The following DCLK2 variants were observed in gnomAD, a reference collection of about 807,000 sequenced individuals.
DCLK2 encodes the protein doublecortin like kinase 2.
Under a neutral mutation model 78.4 loss-of-function variants are expected in DCLK2, and 31 were observed. The ratio of observed to expected loss-of-function variants is 0.40; its 90% CI spans 0.30 to 0.53. DCLK2 has a LOEUF of 0.53. DCLK2 is among the 20% of genes least tolerant of loss of function. The pLI, the probability that DCLK2 is intolerant of heterozygous loss-of-function variation, is 0.61. For synonymous variants in DCLK2, 407 were observed against 374.9 expected (o/e 1.09, Z -0.99); for missense variants, 872 against 973.7 (o/e 0.90, Z 1.39).
At chr4:150,130,113 C>G (rs948998910) in intron 2 of DCLK2, among the ~76,000 whole-genome samples, 1 of 152,078 alleles carries the variant, frequency 6.6e-6, no homozygotes. Flanking sequence ...TTTATTTGAG[C>G]AAACATCCAG....
intron 1 of DCLK2, among the ~76,000 whole-genome samples, chr4:150,080,189 A>T (rs1729151349): frequency 6.6e-6 from 1 of 150,500 alleles, no homozygotes; most frequent in Non-Finnish European, 1.5e-5. Context: ...TTTGGTTGGA[A>T]AAAAGGTAAA....
At chr4:150,161,649 A>G in intron 2 of DCLK2, among the ~76,000 whole-genome samples, 1 of 152,228 alleles carries the variant, frequency 6.6e-6, no homozygotes, top group South Asian at 2.1e-4. Context: ...CAGGTTATAC[A>G]CATTGAAAAG....
intron 1 of DCLK2, 40 bp downstream of exon 1, chr4:150,079,488 G>T (rs922353603): frequency 6.9e-7 from 1 of 1,441,050 alleles, no homozygotes; most frequent in Non-Finnish European, 9.1e-7. Flanking sequence ...GCGGCGGAGC[G>T]CCGGCAGGTG....
At chr4:150,180,773 A>AGGT (rs1737452963) in intron 2 of DCLK2, among the ~76,000 whole-genome samples, 1 of 152,152 alleles carries the variant, frequency 6.6e-6, no homozygotes, top group African/African-American at 2.4e-5. Flanking sequence ...CTCTTCCCCA[A>AGGT]GGTGGGTCGT....
At chr4:150,190,944 C>G (rs1580684322) in intron 2 of DCLK2, among the ~76,000 whole-genome samples, 2 of 152,044 alleles carry the variant, frequency 1.3e-5, no homozygotes, top group African/African-American at 4.8e-5. Flanking sequence ...TACCTACCTA[C>G]CTACCTATCT....
intron 2 of DCLK2, among the ~76,000 whole-genome samples, chr4:150,153,808 T>C (rs971938810): frequency 6.6e-6 from 1 of 152,124 alleles, no homozygotes; most frequent in Non-Finnish European, 1.5e-5. Flanking sequence ...AGGTGCTTAT[T>C]GGCCTATGCT....
At chr4:150,108,942 G>A (rs1731463245) in intron 2 of DCLK2, among the ~76,000 whole-genome samples, 1 of 152,150 alleles carries the variant, frequency 6.6e-6, no homozygotes, top group Non-Finnish European at 1.5e-5. Flanking sequence ...GCCAGCCTTA[G>A]GATGCTCACA....
At chr4:150,233,782 C>T (rs1336906829) in intron 10 of DCLK2, among the ~76,000 whole-genome samples, 2 of 152,118 alleles carry the variant, frequency 1.3e-5, no homozygotes, top group African/African-American at 4.8e-5. Context: ...TCCATCCAAC[C>T]CAACATGGTC....
rs150954251 is a variant in DCLK2, at chr4:150,102,597, T to C, written c.541T>C (p.Ser181Pro). The stretch of plus-strand genomic sequence containing the variant: ...GACATCCCGAGCGCTGGCTGCTGCC[T>C]CCTCTGTGAAAAGTGAAGTAAAAGA... ...GGTSRALAAA[S>P]SVKSEVKESK... is the part of the protein sequence containing the mutation. The change falls in exon 2 of 16, where the codon TCC becomes CCC. Residue 181 changes from serine (S) to proline (P), a missense_variant. By Grantham distance (74) the Ser-to-Pro change is moderately conservative. This residue lies in a region of DCLK2 where 567 missense variants were observed against 593.4 expected (regional missense o/e 0.96). Transcript: ENST00000296550. 4.2e-5 allele frequency: 68 copies of C among 1,614,032 alleles called. No homozygotes were observed. The highest frequency in any genetic ancestry group is 5.7e-5 in the Non-Finnish European group (67 of 1,180,020).
At chr4:150,109,582 C>A (rs1211999112) in intron 2 of DCLK2, among the ~76,000 whole-genome samples, 2 of 152,162 alleles carry the variant, frequency 1.3e-5, no homozygotes, top group Non-Finnish European at 2.9e-5. Flanking sequence ...CGTGTTCCGC[C>A]CGCCTCGGCC....
chr4:150,209,169 C>A (rs1405951795), intron 5 of DCLK2, among the ~76,000 whole-genome samples: 1 of 152,212 alleles, frequency 6.6e-6, no homozygotes, highest in Non-Finnish European at 1.5e-5. Context: ...CCAGCAGGTC[C>A]CTGTTAGGCC....
chr4:150,112,296 A>T (rs1195471420), intron 2 of DCLK2, among the ~76,000 whole-genome samples: 1 of 152,154 alleles, frequency 6.6e-6, no homozygotes, highest in East Asian at 1.9e-4. Flanking sequence ...AGTGCCACTG[A>T]TTTGTGTGCT....
intron 2 of DCLK2, among the ~76,000 whole-genome samples, chr4:150,186,571 C>T (rs1336102705): frequency 6.6e-6 from 1 of 152,140 alleles, no homozygotes; most frequent in African/African-American, 2.4e-5. Context: ...TTATGCCTGG[C>T]ATATTATAGT....
chr4:150,084,075 A>G (rs757566120), intron 1 of DCLK2, among the ~76,000 whole-genome samples: 2 of 152,234 alleles, frequency 1.3e-5, no homozygotes, highest in Non-Finnish European at 2.9e-5. Context: ...TCCTAGAGGA[A>G]CAGACATTGG....
intron 5 of DCLK2, among the ~76,000 whole-genome samples, chr4:150,217,912 G>A (rs980478405): frequency 3.9e-5 from 6 of 152,256 alleles, no homozygotes; most frequent in African/African-American, 7.2e-5. Context: ...ATATTAATTT[G>A]ACAGCTTTGA....
chr4:150,187,119 A>G (rs1455889075), intron 2 of DCLK2, among the ~76,000 whole-genome samples: 1 of 152,192 alleles, frequency 6.6e-6, no homozygotes, highest in East Asian at 1.9e-4. Flanking sequence ...GATATATACC[A>G]AACCATTGCT....
chr4:150,158,854 T>C (rs999976702), intron 2 of DCLK2, among the ~76,000 whole-genome samples: 2 of 151,488 alleles, frequency 1.3e-5, no homozygotes, highest in Non-Finnish European at 2.9e-5. Context: ...TGAGACACCA[T>C]CTCAAAAAAG....
chr4:150,166,151 TA>T (rs1376823172), intron 2 of DCLK2, among the ~76,000 whole-genome samples: 1 of 152,122 alleles, frequency 6.6e-6, no homozygotes, highest in Non-Finnish European at 1.5e-5. Context: ...TCTAATCATT[TA>T]ATGGAGGTAA....
intron 7 of DCLK2, 77 bp from the exon 8 acceptor site, chr4:150,224,424 G>A: frequency 4.5e-6 from 6 of 1,324,356 alleles, no homozygotes; most frequent in Non-Finnish European, 6.2e-6. Flanking sequence ...AAAAATTAAA[G>A]TATAAAAAAG....
Sources: gnomAD v4.1 joint callset for allele counts (sites outside exome capture counted in the v4.1 genomes callset) on GRCh38, gnomAD v4.1.1 for gene constraint, gnomAD v4.1.1 regional missense constraint, MANE v1.5 for transcripts, NCBI Gene and HGNC (gene_info 2026-07-23, HGNC 2026-07-21) for gene names.